Variants in SLC22A23 observed in about 807,000 individuals in gnomAD.
SLC22A23 encodes the protein solute carrier family 22 member 23.
SLC22A23 carries 26 observed loss-of-function variants against 61.0 expected under a neutral mutation model. That is an observed-to-expected ratio of 0.43 (90% CI 0.31 to 0.59). SLC22A23 has a LOEUF of 0.59. Ranked by LOEUF, SLC22A23 falls within the 20% of genes least tolerant of loss-of-function variation. The pLI, the probability that SLC22A23 is intolerant of heterozygous loss-of-function variation, is 0.11. For missense variants in SLC22A23, 796 were observed against 934.7 expected (o/e 0.85, Z 1.94); for synonymous variants, 430 against 413.9 (o/e 1.04, Z -0.47).
chr6:3,381,268 G>T (rs1209427825), intron 3 of SLC22A23, among the ~76,000 whole-genome samples: 1 of 152,192 alleles, frequency 6.6e-6, no homozygotes, highest in Non-Finnish European at 1.5e-5. Context: ...GTGAGGAAGA[G>T]AAGCCTGCCT....
intron 1 of SLC22A23, among the ~76,000 whole-genome samples, chr6:3,428,639 T>C (rs920544106): frequency 1.3e-5 from 2 of 152,140 alleles, no homozygotes; most frequent in Admixed American, 1.3e-4. Flanking sequence ...TCCTTCTGTC[T>C]CACTCAAAGG....
At chr6:3,279,388 G>A (rs1014523415) in intron 9 of SLC22A23, among the ~76,000 whole-genome samples, 2 of 151,348 alleles carry the variant, frequency 1.3e-5, no homozygotes, top group East Asian at 1.9e-4. Flanking sequence ...GCGCGTGCAC[G>A]TAATCCCAGC....
intron 9 of SLC22A23, among the ~76,000 whole-genome samples, chr6:3,277,483 C>T (rs578197899): frequency 6.6e-6 from 1 of 152,352 alleles, no homozygotes; most frequent in South Asian, 2.1e-4. Context: ...TATGTGCGGG[C>T]TCCAGGCCAC....
At chr6:3,377,297 G>A (rs764042321) in intron 3 of SLC22A23, among the ~76,000 whole-genome samples, 1 of 152,176 alleles carries the variant, frequency 6.6e-6, no homozygotes, top group Non-Finnish European at 1.5e-5. Context: ...CAGGGAAGGT[G>A]TAGGGAGGAA....
At chr6:3,375,182 G>GA (rs1766482221) in intron 3 of SLC22A23, among the ~76,000 whole-genome samples, 2 of 152,032 alleles carry the variant, frequency 1.3e-5, no homozygotes, top group African/African-American at 2.4e-5. Flanking sequence ...AAAATCAGCA[G>GA]AAAAAAATGA....
At chr6:3,351,200 G>A (rs77459119) in intron 3 of SLC22A23, among the ~76,000 whole-genome samples, 11,303 of 152,238 alleles carry the variant, frequency 0.074, 614 homozygotes, top group Non-Finnish European at 0.12. Flanking sequence ...GAGCTAGAGA[G>A]GCCCTCGCAG....
chr6:3,284,715 GCA>G (rs1319019390), intron 8 of SLC22A23, among the ~76,000 whole-genome samples: 1 of 152,208 alleles, frequency 6.6e-6, no homozygotes, highest in Non-Finnish European at 1.5e-5. Flanking sequence ...TCCCCTGGCA[GCA>G]CAGACAGCCG....
At chr6:3,299,899 C>T (rs1761454416) in intron 4 of SLC22A23, among the ~76,000 whole-genome samples, 1 of 151,848 alleles carries the variant, frequency 6.6e-6, no homozygotes, top group East Asian at 1.9e-4. Flanking sequence ...AGTTATCACT[C>T]CACTTTATTT....
intron 3 of SLC22A23, among the ~76,000 whole-genome samples, chr6:3,385,214 C>T (rs1045773015): frequency 6.6e-6 from 1 of 152,240 alleles, no homozygotes; most frequent in Admixed American, 6.5e-5. Flanking sequence ...GAACCATACA[C>T]TTAAATGGTT....
chr6:3,287,124 C>G, intron 6 of SLC22A23, 33 bp from the exon 7 acceptor site: 1 of 1,602,380 alleles, frequency 6.2e-7, no homozygotes. Context: ...AGTGGGTGGG[C>G]TGCCCCCATG....
At chr6:3,358,868 G>A (rs1252276024) in intron 3 of SLC22A23, among the ~76,000 whole-genome samples, 1 of 152,192 alleles carries the variant, frequency 6.6e-6, no homozygotes, top group Non-Finnish European at 1.5e-5. Context: ...TCGGGGGCTG[G>A]AGGGATGGTG....
intron 5 of SLC22A23, chr6:3,290,946 G>A (rs1381502631): frequency 1.3e-5 from 2 of 152,366 alleles, no homozygotes; most frequent in African/African-American, 4.8e-5. Context: ...CTGAGCAGCT[G>A]TCAGACCAGG....
chr6:3,296,794 C>T (rs1392121294), intron 5 of SLC22A23, among the ~76,000 whole-genome samples: 2 of 152,188 alleles, frequency 1.3e-5, no homozygotes, highest in Non-Finnish European at 2.9e-5. Flanking sequence ...AGGGTGACAT[C>T]CTGGCTGAGC....
chr6:3,278,078 C>T (rs1561858045), intron 9 of SLC22A23, among the ~76,000 whole-genome samples: 1 of 152,154 alleles, frequency 6.6e-6, no homozygotes, highest in Non-Finnish European at 1.5e-5. Context: ...AGACCTGGAG[C>T]AGAGGACCCA....
intron 3 of SLC22A23, among the ~76,000 whole-genome samples, chr6:3,325,865 A>G (rs77449832): frequency 0.026 from 3,911 of 152,340 alleles, 160 homozygotes; most frequent in African/African-American, 0.089. Flanking sequence ...ACCTTTAAAC[A>G]AAGTCAAAGA....
rs1213760042 is a variant in SLC22A23, at chr6:3,272,867, C to G, written c.*188G>C. On this transcript the variant is annotated 3_prime_UTR_variant, in exon 10 of 10. Coordinates refer to ENST00000406686, the MANE Select transcript of SLC22A23 (RefSeq NM_015482.2). The stretch of plus-strand genomic sequence containing the variant: ...AAAGAAAGTCTTGAAAGGGTTATTT[C>G]CAAAGAGTTTGTCTCCTCCGACCCG... 7 of 521,772 alleles carry G rather than the reference C, an allele frequency of 1.3e-5. No individual in the cohort carries two copies. The highest frequency in any genetic ancestry group is 1.2e-4 in the African/African-American group (6 of 51,388). 32.3% of individuals were successfully genotyped at this position (521,772 alleles called of 1,614,324 possible).
chr6:3,450,385 C>T (rs1252648807), intron 1 of SLC22A23, among the ~76,000 whole-genome samples: 1 of 152,206 alleles, frequency 6.6e-6, no homozygotes, highest in East Asian at 1.9e-4. Flanking sequence ...CGGCTCACCG[C>T]AACCTCCGCC....
At chr6:3,323,685 T>C in intron 4 of SLC22A23, 149 bp downstream of exon 4, 1 of 922,868 alleles carries the variant, frequency 1.1e-6, no homozygotes, top group Non-Finnish European at 1.6e-6. Flanking sequence ...AACAATAAAA[T>C]TTTTTAAAAA....
rs1459232684 is a variant in SLC22A23 at position 3,456,317 on chromosome 6, G to A, written c.243C>T (p.Asp81=). 2 of 1,550,716 alleles carry A rather than the reference G, an allele frequency of 1.3e-6. No homozygotes were observed. The highest frequency in any genetic ancestry group is 1.7e-6 in the Non-Finnish European group (2 of 1,146,776). The change falls in exon 1 of 10, where the codon GAC becomes GAT. Residue 81 remains aspartate, a synonymous_variant. Transcript: ENST00000406686. This position sits in a 1 kb window ranked among gnomAD's most constrained non-coding sequence, Gnocchi z 7.1. Reference sequence around the variant, plus strand: ...CCCCGAGGAAGGGCAGCACCGACCCGTCATAGTCCAGCAACAAGAGGCTCG... The same window carrying A: ...CCCCGAGGAAGGGCAGCACCGACCCATCATAGTCCAGCAACAAGAGGCTCG... ...AAPSLLLLDY[D]GSVLPFLGGL...
Sources: allele counts gnomAD v4.1 joint callset (sites outside exome capture counted in the v4.1 genomes callset), GRCh38; gene constraint gnomAD v4.1.1; non-coding constraint Gnocchi (gnomAD v3.1); transcripts MANE v1.5; gene names NCBI Gene and HGNC (gene_info 2026-07-23, HGNC 2026-07-21).